The following RPS6KC1 variants were observed in gnomAD, a reference collection of about 807,000 sequenced individuals.
RPS6KC1 encodes the protein inactive ribosomal protein S6 kinase delta-1.
In RPS6KC1, 54 loss-of-function variants were observed where a neutral mutation model predicts 103.8. The ratio of observed to expected loss-of-function variants is 0.52; its 90% CI spans 0.42 to 0.65. RPS6KC1 has a LOEUF of 0.65. Among genes scored for constraint, RPS6KC1 ranks in the 30% least tolerant of loss-of-function variants. The pLI is 0.00. For missense variants in RPS6KC1, 1,151 were observed against 1,253.8 expected (o/e 0.92, Z 1.24); for synonymous variants, 439 against 438.7 (o/e 1.00, Z -0.01).
the RPS6KC1 span, among the ~76,000 whole-genome samples, chr1:213,298,317 T>A: frequency 7.8e-4 from 119 of 152,384 alleles, 3 homozygotes; most frequent in East Asian, 0.019. Context: ...TATAACTATT[T>A]TCCTCAGAAT....
intron 6 of RPS6KC1, among the ~76,000 whole-genome samples, chr1:213,157,301 C>T (rs2089998822): frequency 6.6e-6 from 1 of 151,898 alleles, no homozygotes. Flanking sequence ...GCAGGCTCCA[C>T]CTCCTGCCTC....
At chr1:213,794,223 T>A in the RPS6KC1 span, among the ~76,000 whole-genome samples, 1 of 152,200 alleles carries the variant, frequency 6.6e-6, no homozygotes, top group African/African-American at 2.4e-5. Context: ...AGTCTGTTAC[T>A]TATATTTTTT....
the RPS6KC1 span, among the ~76,000 whole-genome samples, chr1:213,797,163 T>C: frequency 6.6e-6 from 1 of 152,238 alleles, no homozygotes; most frequent in Non-Finnish European, 1.5e-5. Flanking sequence ...CAATGTGTCC[T>C]ACATCCTCAG....
At chr1:213,559,078 A>G in the RPS6KC1 span, among the ~76,000 whole-genome samples, 1 of 152,248 alleles carries the variant, frequency 6.6e-6, no homozygotes, top group African/African-American at 2.4e-5. Context: ...CTAGGAAGCT[A>G]TCTCTGATTG....
chr1:213,734,954 C>T, the RPS6KC1 span, among the ~76,000 whole-genome samples: 17 of 152,170 alleles, frequency 1.1e-4, no homozygotes, highest in Non-Finnish European at 2.1e-4. Context: ...GAGACGGAGC[C>T]GCTCTGTAGC....
At chr1:213,391,295 G>A in the RPS6KC1 span, among the ~76,000 whole-genome samples, 2 of 152,170 alleles carry the variant, frequency 1.3e-5, no homozygotes, top group East Asian at 1.9e-4. Context: ...TGAGTGAGAC[G>A]TGAGATGAGA....
chr1:213,158,634 A>G (rs1006797724), intron 6 of RPS6KC1, among the ~76,000 whole-genome samples: 5 of 152,232 alleles, frequency 3.3e-5, no homozygotes, highest in African/African-American at 4.8e-5. Context: ...TAAAGAGTTA[A>G]ATAAGCTTGG....
the RPS6KC1 span, among the ~76,000 whole-genome samples, chr1:213,709,192 G>C: frequency 2.0e-5 from 3 of 152,024 alleles, no homozygotes; most frequent in East Asian, 5.8e-4. Context: ...GGCTTTTTTT[G>C]GTTGGTAGGC....
intron 8 of RPS6KC1, among the ~76,000 whole-genome samples, chr1:213,191,257 A>G (rs2092734158): frequency 1.3e-5 from 2 of 152,226 alleles, no homozygotes; most frequent in East Asian, 1.9e-4. Context: ...AACAATATTG[A>G]TTCTTTTAAT....
the RPS6KC1 span, among the ~76,000 whole-genome samples, chr1:213,706,368 A>C: frequency 6.6e-6 from 1 of 152,096 alleles, no homozygotes; most frequent in South Asian, 2.1e-4. Context: ...CTATAACAGG[A>C]CAGCACTGAG....
chr1:213,585,728 C>G, the RPS6KC1 span, among the ~76,000 whole-genome samples: 465 of 152,296 alleles, frequency 3.1e-3, 3 homozygotes, highest in African/African-American at 0.011. Flanking sequence ...CTGAGGCCTC[C>G]CTACTCCAGG....
the RPS6KC1 span, among the ~76,000 whole-genome samples, chr1:213,807,260 G>A: frequency 2.0e-5 from 3 of 152,092 alleles, no homozygotes; most frequent in Non-Finnish European, 4.4e-5. Flanking sequence ...TATGTGTCTT[G>A]GAGTTGCTCT....
intron 14 of RPS6KC1, among the ~76,000 whole-genome samples, chr1:213,264,111 C>G (rs1043572710): frequency 5.9e-5 from 9 of 152,062 alleles, no homozygotes; most frequent in African/African-American, 2.4e-5. Context: ...GGGGTTCTAT[C>G]ATCACAAACA....
At chr1:213,541,555 C>G in the RPS6KC1 span, among the ~76,000 whole-genome samples, 1 of 152,060 alleles carries the variant, frequency 6.6e-6, no homozygotes, top group Non-Finnish European at 1.5e-5. Flanking sequence ...ATTCCTGTAT[C>G]CATAATGCTT....
intron 1 of RPS6KC1, among the ~76,000 whole-genome samples, chr1:213,059,017 G>C (rs1174123152): frequency 6.6e-6 from 1 of 152,118 alleles, no homozygotes; most frequent in Non-Finnish European, 1.5e-5. Context: ...TGTAGCTATT[G>C]TCAATAGTAT....
chr1:213,161,322 A>AT (rs1368864131), intron 6 of RPS6KC1, among the ~76,000 whole-genome samples: 5 of 150,916 alleles, frequency 3.3e-5, no homozygotes, highest in African/African-American at 1.2e-4. Flanking sequence ...TACTTGACTC[A>AT]TTCTTTTTTT....
chr1:213,264,641 C>T (rs1303223611), intron 14 of RPS6KC1, among the ~76,000 whole-genome samples: 4 of 152,088 alleles, frequency 2.6e-5, no homozygotes, highest in Non-Finnish European at 4.4e-5. Context: ...TGTCATTGGC[C>T]TGCCTAAGGA....
intron 8 of RPS6KC1, among the ~76,000 whole-genome samples, chr1:213,208,157 A>G (rs1019234947): frequency 6.6e-6 from 1 of 152,196 alleles, no homozygotes; most frequent in Non-Finnish European, 1.5e-5. Flanking sequence ...ATTTTAAAAT[A>G]TCTCTCAAGT....
chr1:213,211,775 T>C (rs2093513542), intron 8 of RPS6KC1, among the ~76,000 whole-genome samples: 1 of 152,236 alleles, frequency 6.6e-6, no homozygotes, highest in Non-Finnish European at 1.5e-5. Context: ...AATTTGTGTT[T>C]GTAGTTTATT....
Sources: allele counts gnomAD v4.1 joint callset (sites outside exome capture counted in the v4.1 genomes callset), GRCh38; gene constraint gnomAD v4.1.1; transcripts MANE v1.5; gene names NCBI Gene and HGNC (gene_info 2026-07-23, HGNC 2026-07-21).